EPHA4: variants seen among roughly 807,000 people sequenced by gnomAD.
EPHA4 encodes the protein ephrin type-A receptor 4.
A neutral mutation model predicts 108.3 loss-of-function variants in EPHA4; 19 were observed. The ratio of observed to expected loss-of-function variants is 0.18; its 90% CI spans 0.12 to 0.26. The LOEUF (loss-of-function observed/expected upper bound fraction) is 0.26, where lower values mean the gene tolerates loss of function less well. Among genes scored for constraint, EPHA4 ranks in the 10% least tolerant of loss-of-function variants. EPHA4 has a pLI of 1.00. For synonymous variants in EPHA4, 449 were observed against 455.5 expected (o/e 0.99, Z 0.18); for missense variants, 917 against 1,254.0 (o/e 0.73, Z 4.06).
intron 15 of EPHA4, among the ~76,000 whole-genome samples, chr2:221,426,998 C>T (rs1468525697): frequency 1.3e-5 from 2 of 152,148 alleles, no homozygotes; most frequent in Non-Finnish European, 2.9e-5. Context: ...ATATTACAGA[C>T]TTTCGTTCAG....
At chr2:221,458,062 TAATTTCATCTTATTTAAGAAA>T in intron 5 of EPHA4, 72 bp from the exon 6 acceptor site, 1 of 1,548,538 alleles carries the variant, frequency 6.5e-7, no homozygotes, top group African/African-American at 1.4e-5. Context: ...TAGCCAGAAA[TAATTTCATCTTATTTAAGAAA>T]AGTGTGAAAG....
At chr2:221,470,643 C>A (rs570782047) in intron 5 of EPHA4, among the ~76,000 whole-genome samples, 1 of 147,224 alleles carries the variant, frequency 6.8e-6, no homozygotes, top group Non-Finnish European at 1.5e-5. Flanking sequence ...TTTAGGGAAC[C>A]TTTTTTATAA....
intron 3 of EPHA4, among the ~76,000 whole-genome samples, chr2:221,528,907 C>A (rs1305969217): frequency 3.3e-5 from 5 of 152,162 alleles, no homozygotes; most frequent in Admixed American, 2.6e-4. Context: ...CTCTCTAACA[C>A]AACCAGATAA....
intron 13 of EPHA4, 26 bp downstream of exon 13, chr2:221,436,373 G>C (rs41272711): frequency 0.012 from 18,985 of 1,606,532 alleles, 248 homozygotes; most frequent in Admixed American, 0.054. Context: ...CAGAGTGAAA[G>C]CCCAGATGTC....
chr2:221,424,997 T>C (rs1217192839), intron 17 of EPHA4, among the ~76,000 whole-genome samples: 3 of 150,086 alleles, frequency 2.0e-5, no homozygotes, highest in Non-Finnish European at 4.4e-5. Context: ...GGGTCATATG[T>C]CACTTCTCCC....
intron 3 of EPHA4, among the ~76,000 whole-genome samples, chr2:221,544,949 A>C (rs1040848732): frequency 1.3e-5 from 2 of 151,998 alleles, no homozygotes; most frequent in Non-Finnish European, 2.9e-5. Context: ...CTAAAAACCA[A>C]CCCTGATGAA....
chr2:221,422,957 T>C (rs538863538), intron 17 of EPHA4, among the ~76,000 whole-genome samples: 6 of 152,332 alleles, frequency 3.9e-5, no homozygotes, highest in African/African-American at 1.4e-4. Flanking sequence ...TAAATATGTA[T>C]TTACCTCCAA....
At chr2:221,553,169 G>C (rs540618467) in intron 3 of EPHA4, among the ~76,000 whole-genome samples, 8 of 152,228 alleles carry the variant, frequency 5.3e-5, no homozygotes, top group Admixed American at 2.0e-4. Context: ...ATAATTAAGG[G>C]CCTAAAGATT....
intron 5 of EPHA4, among the ~76,000 whole-genome samples, chr2:221,476,113 A>G (rs371722197): frequency 1.3e-5 from 2 of 152,320 alleles, no homozygotes; most frequent in East Asian, 3.9e-4. Context: ...CCAGCTACTC[A>G]GGAAGCTGAG....
In EPHA4 at chr2:221,436,408, G is replaced by A. The variant is rs1397173422; in HGVS notation, c.2337C>T (p.Tyr779=). 1 of 1,614,170 alleles carries A rather than the reference G, an allele frequency of 6.2e-7. No individual in the cohort carries two copies. Among genetic ancestry groups the A allele is most frequent in the Admixed American group, 1.7e-5 (1 of 60,030 alleles). The change falls in exon 13 of 18, where the codon TAC becomes TAT. Residue 779 remains tyrosine, a synonymous_variant. Coordinates refer to ENST00000281821, the MANE Select transcript of EPHA4 (RefSeq NM_004438.5). ...CACCGATCTTTCTTACCCTGGTGGT[G>A]TAAGCTGCTTCCGGATCATCCTCAA... The part of the protein sequence containing the change: ...RVLEDDPEAA[Y]TTRGGKIPIR...
intron 3 of EPHA4, among the ~76,000 whole-genome samples, chr2:221,537,746 T>TGC (rs982297609): frequency 6.6e-6 from 1 of 152,144 alleles, no homozygotes; most frequent in African/African-American, 2.4e-5. Context: ...GCTATGATGG[T>TGC]GCCATTGCAC....
intron 3 of EPHA4, among the ~76,000 whole-genome samples, chr2:221,512,693 T>C (rs866992888): frequency 4.0e-4 from 61 of 152,230 alleles, no homozygotes; most frequent in African/African-American, 1.3e-3. Flanking sequence ...TCTATGCAGA[T>C]TAGCGTCATT....
rs1351145874 is a variant in EPHA4 at position 221,457,948 on chromosome 2, C to A, written c.1361G>T (p.Arg454Ile). 6.2e-7 allele frequency: 1 copy of A among 1,613,808 alleles called. No homozygotes were observed. The highest frequency in any genetic ancestry group is 1.3e-5 in the African/African-American group (1 of 75,030). ...CAGCCAAGCCAGTGCCACACTGTATCTTGTGACTTCTTTAGCCTGGACCAA... is the reference window on the plus strand; with the variant it reads ...CAGCCAAGCCAGTGCCACACTGTATATTGTGACTTCTTTAGCCTGGACCAA... ...IALVQAKEVT[R>I]YSVALAWLEP... Residue 454 changes from arginine to isoleucine, a missense_variant, in exon 6 of 18, where the codon AGA becomes ATA. Physicochemically the swap from Arg to Ile is moderately conservative, Grantham distance 97. Coordinates refer to ENST00000281821, the MANE Select transcript of EPHA4 (RefSeq NM_004438.5).
At chr2:221,443,159 C>A in intron 10 of EPHA4, 145 bp from the exon 11 acceptor site, 1 of 826,014 alleles carries the variant, frequency 1.2e-6, no homozygotes, top group Non-Finnish European at 1.8e-6. Flanking sequence ...CTCCATGCAA[C>A]CCTGAAGTAG....
At chr2:221,558,279 T>C (rs1421730850) in intron 3 of EPHA4, among the ~76,000 whole-genome samples, 2 of 152,048 alleles carry the variant, frequency 1.3e-5, no homozygotes, top group Non-Finnish European at 2.9e-5. Flanking sequence ...TTTTGAAAAC[T>C]GTGTGTGTGT....
chr2:221,491,320 A>G (rs963388988), intron 4 of EPHA4, among the ~76,000 whole-genome samples: 5 of 152,208 alleles, frequency 3.3e-5, no homozygotes, highest in African/African-American at 1.2e-4. Context: ...CTTTCCTTGC[A>G]AAGCACTTTT....
intron 3 of EPHA4, among the ~76,000 whole-genome samples, chr2:221,528,424 T>A (rs1693409022): frequency 6.6e-6 from 1 of 152,210 alleles, no homozygotes; most frequent in South Asian, 2.1e-4. Flanking sequence ...TTCAACGTTT[T>A]CTCTGCTCAT....
chr2:221,527,807 A>T lies in EPHA4; in HGVS notation c.824-26635T>A, dbSNP rs892115119. Among the ~76,000 whole-genome samples, 4 of 152,200 alleles carry T rather than the reference A, an allele frequency of 2.6e-5. 1 individual carries two copies. Among genetic ancestry groups the T allele is most frequent in the African/African-American group, 9.6e-5 (4 of 41,454 alleles). ...CAGAAGAGGAAATTGAGGAACAAAG[A>T]GATGAGGGAACTTATCTGTCACATG... On this transcript the variant is annotated intron_variant, in intron 3 of 17. Transcript: ENST00000281821.
At chr2:221,471,256 G>GAAGA (rs1227931221) in intron 5 of EPHA4, among the ~76,000 whole-genome samples, 1 of 151,864 alleles carries the variant, frequency 6.6e-6, no homozygotes, top group Admixed American at 6.6e-5. Context: ...TTAAAAAAAG[G>GAAGA]AAGAAAGAAA....
Sources: allele counts gnomAD v4.1 joint callset (sites outside exome capture counted in the v4.1 genomes callset), GRCh38; gene constraint gnomAD v4.1.1; transcripts MANE v1.5; gene names NCBI Gene and HGNC (gene_info 2026-07-23, HGNC 2026-07-21).